MBNL2: variants seen among roughly 807,000 people sequenced by gnomAD.
MBNL2 encodes muscleblind-like protein 2.
Under a neutral mutation model 41.9 loss-of-function variants are expected in MBNL2, and 17 were observed. The ratio of observed to expected loss-of-function variants is 0.41; its 90% CI spans 0.28 to 0.61. The LOEUF (loss-of-function observed/expected upper bound fraction) is 0.61, where lower values mean the gene tolerates loss of function less well. Ranked by LOEUF, MBNL2 falls within the 20% of genes least tolerant of loss-of-function variation. MBNL2 has a pLI of 0.35. For synonymous variants in MBNL2, 195 were observed against 182.9 expected (o/e 1.07, Z -0.53); for missense variants, 336 against 505.6 (o/e 0.66, Z 3.22).
the MBNL2 span, among the ~76,000 whole-genome samples, chr13:97,185,047 CAAT>C: frequency 1.3e-5 from 2 of 152,132 alleles, no homozygotes; most frequent in Non-Finnish European, 2.9e-5. Context: ...TATGTTATCT[CAAT>C]TATTTCTTGT....
At chr13:97,213,207 C>A in the MBNL2 span, among the ~76,000 whole-genome samples, 2 of 151,904 alleles carry the variant, frequency 1.3e-5, no homozygotes, top group African/African-American at 4.8e-5. Context: ...ATAGAGGTGA[C>A]AAAGAAAGAT....
chr13:97,315,548 A>T (rs540258239), intron 2 of MBNL2, among the ~76,000 whole-genome samples: 50 of 152,368 alleles, frequency 3.3e-4, no homozygotes, highest in Admixed American at 8.5e-4. Context: ...TGTTACAGAC[A>T]TGCAGAGAAG....
the MBNL2 span, among the ~76,000 whole-genome samples, chr13:97,184,808 ACCT>A: frequency 1.3e-5 from 2 of 151,280 alleles, no homozygotes; most frequent in East Asian, 3.9e-4. Context: ...CACTGTTTTC[ACCT>A]CCTGTCTGCA....
chr13:97,155,037 T>G, the MBNL2 span, among the ~76,000 whole-genome samples: 1 of 152,162 alleles, frequency 6.6e-6, no homozygotes, highest in Non-Finnish European at 1.5e-5. Context: ...TCCCTTCAAC[T>G]GTGGTATGTT....
chr13:97,212,385 A>C, the MBNL2 span, among the ~76,000 whole-genome samples: 35 of 152,218 alleles, frequency 2.3e-4, 1 homozygote, highest in South Asian at 7.1e-3. Flanking sequence ...TAGAAGCCAC[A>C]GCTACCCCCA....
the MBNL2 span, among the ~76,000 whole-genome samples, chr13:97,198,267 C>T: frequency 6.6e-6 from 1 of 152,046 alleles, no homozygotes; most frequent in East Asian, 2.0e-4. Context: ...GCCTGATGGC[C>T]TTTGAACTAA....
chr13:97,351,951 A>T (rs2062513885), intron 5 of MBNL2, among the ~76,000 whole-genome samples: 1 of 152,094 alleles, frequency 6.6e-6, no homozygotes, highest in Non-Finnish European at 1.5e-5. Flanking sequence ...TGAACCTTGG[A>T]AGGCAGAGGT....
At chr13:97,217,514 T>C (rs2040480353), upstream of MBNL2, among the ~76,000 whole-genome samples, 1 of 152,142 alleles carries the variant, frequency 6.6e-6, no homozygotes, top group Admixed American at 6.5e-5. Flanking sequence ...ACATTGGGTG[T>C]TGCTGGATAG....
At chr13:97,315,777 G>C (rs533755970) in intron 2 of MBNL2, among the ~76,000 whole-genome samples, 1 of 152,280 alleles carries the variant, frequency 6.6e-6, no homozygotes, top group South Asian at 2.1e-4. Flanking sequence ...TGGCAATGTG[G>C]AAGGCCTTGC....
the MBNL2 span, among the ~76,000 whole-genome samples, chr13:97,216,152 A>C: frequency 2.6e-5 from 4 of 151,988 alleles, no homozygotes; most frequent in Non-Finnish European, 5.9e-5. Flanking sequence ...AAAACACCAT[A>C]ACTTTTTTTT....
intron 2 of MBNL2, among the ~76,000 whole-genome samples, chr13:97,315,542 A>G (rs1045551576): frequency 6.6e-6 from 1 of 152,236 alleles, no homozygotes; most frequent in African/African-American, 2.4e-5. Context: ...GCAGATTGTT[A>G]CAGACATGCA....
intron 2 of MBNL2, among the ~76,000 whole-genome samples, chr13:97,305,117 C>T (rs1423834597): frequency 6.6e-6 from 1 of 152,202 alleles, no homozygotes; most frequent in Non-Finnish European, 1.5e-5. Flanking sequence ...ACCACCTTCA[C>T]AGATATTGTA....
the MBNL2 span, among the ~76,000 whole-genome samples, chr13:97,143,983 A>C: frequency 1.3e-5 from 2 of 152,062 alleles, no homozygotes; most frequent in African/African-American, 4.8e-5. Context: ...AGCTGGGATT[A>C]CAGGCTCCCG....
At chr13:97,299,883 C>T (rs2057445990) in intron 2 of MBNL2, among the ~76,000 whole-genome samples, 1 of 152,016 alleles carries the variant, frequency 6.6e-6, no homozygotes, top group Non-Finnish European at 1.5e-5. Flanking sequence ...AATAAGAGAC[C>T]CAACAATCAT....
chr13:97,168,515 A>G, the MBNL2 span, among the ~76,000 whole-genome samples: 2 of 152,140 alleles, frequency 1.3e-5, no homozygotes, highest in African/African-American at 4.8e-5. Context: ...TTACTAGCTT[A>G]TCATATTCTA....
At chr13:97,355,915 G>C (rs954670088) in intron 5 of MBNL2, among the ~76,000 whole-genome samples, 1 of 152,080 alleles carries the variant, frequency 6.6e-6, no homozygotes, top group Non-Finnish European at 1.5e-5. Context: ...TTGATAGCTG[G>C]GGACACTACA....
the MBNL2 span, among the ~76,000 whole-genome samples, chr13:97,213,918 A>G: frequency 6.6e-6 from 1 of 152,152 alleles, no homozygotes; most frequent in East Asian, 1.9e-4. Flanking sequence ...TATATGCTTC[A>G]TCTATTCCCC....
At chr13:97,154,323 T>C in the MBNL2 span, among the ~76,000 whole-genome samples, 1 of 152,310 alleles carries the variant, frequency 6.6e-6, no homozygotes. Context: ...TTTTTTGTTT[T>C]TTGTTTTGTG....
intron 5 of MBNL2, among the ~76,000 whole-genome samples, chr13:97,351,311 G>C (rs2062429749): frequency 1.3e-5 from 2 of 152,210 alleles, no homozygotes; most frequent in South Asian, 4.1e-4. Context: ...AGTAGATTTA[G>C]CATAATTCAT....
Sources: gnomAD v4.1 joint callset for allele counts (sites outside exome capture counted in the v4.1 genomes callset) on GRCh38, gnomAD v4.1.1 for gene constraint, MANE v1.5 for transcripts, NCBI Gene and HGNC (gene_info 2026-07-23, HGNC 2026-07-21) for gene names.